FRMD3: variants seen among roughly 807,000 people sequenced by gnomAD.
FRMD3 encodes the protein FERM domain containing 3.
Under a neutral mutation model 70.2 loss-of-function variants are expected in FRMD3, and 33 were observed. The observed-to-expected ratio is 0.47, with a 90% CI of 0.36 to 0.63. FRMD3 has a LOEUF of 0.63. Among genes scored for constraint, FRMD3 ranks in the 20% least tolerant of loss-of-function variants. The probability of loss-of-function intolerance (pLI) is 0.00; values close to 1 mark genes in which losing one functional copy is unlikely to be tolerated. For missense variants in FRMD3, 632 were observed against 711.4 expected (o/e 0.89, Z 1.27); for synonymous variants, 279 against 255.9 (o/e 1.09, Z -0.86).
intron 10 of FRMD3, among the ~76,000 whole-genome samples, chr9:83,300,108 T>C (rs1834845696): frequency 6.6e-6 from 1 of 152,230 alleles, no homozygotes; most frequent in African/African-American, 2.4e-5. Context: ...AGCAAAGACA[T>C]GCACGGAGCC....
At chr9:83,550,621 C>T in the FRMD3 span, among the ~76,000 whole-genome samples, 4 of 151,326 alleles carry the variant, frequency 2.6e-5, no homozygotes, top group South Asian at 2.1e-4. Context: ...CTGATTACTT[C>T]GAGCAGTGTT....
At chr9:83,494,160 C>T (rs1262415129) in intron 1 of FRMD3, among the ~76,000 whole-genome samples, 1 of 152,208 alleles carries the variant, frequency 6.6e-6, no homozygotes, top group Non-Finnish European at 1.5e-5. Flanking sequence ...AAAGGCTAAG[C>T]CAACCCTCAT....
At chr9:83,283,422 TCAGGAGGCTGAGG>T (rs1305336783) in intron 13 of FRMD3, among the ~76,000 whole-genome samples, 1 of 151,328 alleles carries the variant, frequency 6.6e-6, no homozygotes, top group Non-Finnish European at 1.5e-5. Context: ...TCCCAGCTAC[TCAGGAGGCTGAGG>T]CAGGAGAATG....
At chr9:83,503,850 T>G (rs1313997906) in intron 1 of FRMD3, among the ~76,000 whole-genome samples, 2 of 152,226 alleles carry the variant, frequency 1.3e-5, no homozygotes, top group East Asian at 3.9e-4. Context: ...GTTGAAATCA[T>G]GGACAGAAAA....
chr9:83,464,816 C>G (rs980723872), intron 1 of FRMD3, among the ~76,000 whole-genome samples: 4 of 152,006 alleles, frequency 2.6e-5, no homozygotes, highest in African/African-American at 9.7e-5. Flanking sequence ...GTCAGGAATT[C>G]AAGACCAGCC....
chr9:83,575,802 T>C, the FRMD3 span, among the ~76,000 whole-genome samples: 5 of 152,226 alleles, frequency 3.3e-5, no homozygotes, highest in African/African-American at 9.6e-5. Flanking sequence ...GATAGCTTCG[T>C]TGATGAATTC....
At chr9:83,387,191 G>A (rs80182053) in intron 2 of FRMD3, among the ~76,000 whole-genome samples, 8,913 of 152,154 alleles carry the variant, frequency 0.059, 336 homozygotes, top group East Asian at 0.17. Context: ...TGTGTATGCT[G>A]ATTTTCTATT....
chr9:83,540,716 C>T (rs1313523321), upstream of FRMD3, among the ~76,000 whole-genome samples: 2 of 152,192 alleles, frequency 1.3e-5, no homozygotes, highest in Non-Finnish European at 2.9e-5. Flanking sequence ...GAGTTTAAAA[C>T]TGGACCACTG....
At chr9:83,412,119 T>C (rs1441661617) in intron 1 of FRMD3, among the ~76,000 whole-genome samples, 1 of 151,648 alleles carries the variant, frequency 6.6e-6, no homozygotes, top group East Asian at 1.9e-4. Flanking sequence ...TTTAACTGAA[T>C]GGAATCCTTC....
intron 8 of FRMD3, among the ~76,000 whole-genome samples, chr9:83,311,287 G>GAAAAA: frequency 8.2e-6 from 1 of 121,592 alleles, no homozygotes; most frequent in Non-Finnish European, 1.7e-5. Flanking sequence ...GAATGGCAGA[G>GAAAAA]AAAAAAAAAA....
intron 1 of FRMD3, among the ~76,000 whole-genome samples, chr9:83,476,536 C>G (rs572726926): frequency 6.6e-6 from 1 of 152,280 alleles, no homozygotes; most frequent in Admixed American, 6.5e-5. Context: ...AGCATGTCCA[C>G]TAGTTGGAGA....
intron 1 of FRMD3, among the ~76,000 whole-genome samples, chr9:83,472,717 T>C (rs1828298077): frequency 6.6e-6 from 1 of 152,200 alleles, no homozygotes; most frequent in Non-Finnish European, 1.5e-5. Flanking sequence ...TGTGAATGGA[T>C]CAATTTTTCA....
At chr9:83,381,532 G>A (rs1350133933) in intron 2 of FRMD3, among the ~76,000 whole-genome samples, 2 of 150,334 alleles carry the variant, frequency 1.3e-5, no homozygotes, top group Non-Finnish European at 3.0e-5. Flanking sequence ...CTCCAGTCTG[G>A]GTGGCAGAGT....
At chr9:83,262,203 C>A (rs1188826243) in intron 13 of FRMD3, among the ~76,000 whole-genome samples, 1 of 152,208 alleles carries the variant, frequency 6.6e-6, no homozygotes. Flanking sequence ...TACATAGGAA[C>A]ATCGACTTCA....
In FRMD3 at chr9:83,248,109, C is replaced by A; in HGVS notation, c.1603G>T (p.Gly535Cys). 6.2e-7 allele frequency: 1 copy of A among 1,614,172 alleles called. No homozygotes were observed. Among genetic ancestry groups the A allele is most frequent in the Non-Finnish European group, 8.5e-7 (1 of 1,180,018 alleles). Residue 535 changes from glycine (G) to cysteine (C), a missense_variant, in exon 14 of 14, where the codon GGC becomes TGC. Coordinates refer to ENST00000304195, the MANE Select transcript of FRMD3 (RefSeq NM_174938.6). ...VKSFSRLLVV[G>C]LGLLLFVFPL... ...AATACAAAGAGCAGCAGTCCCAGGC[C>A]CACCACAAGGAGCCTGGAAAAACTC...
chr9:83,539,585 G>T (rs751041489), upstream of FRMD3, among the ~76,000 whole-genome samples: 20 of 152,206 alleles, frequency 1.3e-4, no homozygotes, highest in Admixed American at 2.0e-4. Flanking sequence ...TGGGGGTCGA[G>T]GAAGAGTGGC....
rs1377038610 is a variant in FRMD3, at chr9:83,537,518, G to C, written c.147+567C>G. 6.6e-6 allele frequency among the ~76,000 whole-genome samples: 1 copy of C among 152,190 alleles called. No individual in the cohort carries two copies. Among genetic ancestry groups the C allele is most frequent in the Non-Finnish European group, 1.5e-5 (1 of 68,030 alleles). ...AGGGCAGCCCGGCCTCTCTCACTCT[G>C]GGGAAACTTCGCCACCGCCCCACGC... On this transcript the variant is annotated intron_variant, in intron 1 of 13. Transcript: ENST00000304195. The surrounding 1 kb of genome is among the most constrained non-coding windows in gnomAD (Gnocchi z 4.1).
intron 1 of FRMD3, among the ~76,000 whole-genome samples, chr9:83,487,489 C>A (rs1305521567): frequency 6.6e-6 from 1 of 152,086 alleles, no homozygotes; most frequent in Admixed American, 6.6e-5. Context: ...TCTTCTGAAG[C>A]CATAGGTGGG....
At position 83,244,793 on chromosome 9, in the gene FRMD3, A is replaced by AC; in HGVS notation, c.*3124dup. ...AATGAAATAAACTCATTGTGAATTC[A>AC]CCCCGAGTTGTGTTTATAAATATTA... is the stretch of plus-strand genomic sequence containing the variant. On this transcript the variant is annotated 3_prime_UTR_variant, in exon 14 of 14. Transcript: ENST00000304195. The AC allele has an allele frequency of 1.0e-6, 1 of 985,264 alleles. No individual in the cohort carries two copies. Among genetic ancestry groups the AC allele is most frequent in the African/African-American group, 1.7e-5 (1 of 57,332 alleles). The allele number at this position is 985,264 out of a possible 1,614,324, so 61.0% of individuals were successfully genotyped here. A position where few individuals can be genotyped will look rare whatever the true frequency, so the allele number is the denominator to read the frequency against.
Sources: allele counts gnomAD v4.1 joint callset (sites outside exome capture counted in the v4.1 genomes callset), GRCh38; gene constraint gnomAD v4.1.1; non-coding constraint Gnocchi (gnomAD v3.1); transcripts MANE v1.5; gene names NCBI Gene and HGNC (gene_info 2026-07-23, HGNC 2026-07-21).